DCAF1: variants seen among roughly 807,000 people sequenced by gnomAD.
DCAF1 encodes the protein DDB1- and CUL4-associated factor 1.
Under a neutral mutation model 128.0 loss-of-function variants are expected in DCAF1, and 15 were observed. The observed-to-expected ratio is 0.12, with a 90% CI of 0.08 to 0.18. The LOEUF is 0.18. Among genes scored for constraint, DCAF1 ranks in the 10% least tolerant of loss-of-function variants. The pLI is 1.00. For missense variants in DCAF1, 988 were observed against 1,649.5 expected, an observed-to-expected ratio of 0.60 and a Z score of 6.95; for synonymous variants, 610 against 603.0, an observed-to-expected ratio of 1.01 and a Z score of -0.17.
chr3:51,444,686 GATTA>G (rs1415423468), intron 6 of DCAF1, among the ~76,000 whole-genome samples: 5 of 144,896 alleles, frequency 3.5e-5, no homozygotes, highest in South Asian at 2.2e-4. Flanking sequence ...TTGATTGATT[GATTA>G]ATTGAGACAG....
At chr3:51,407,984 CAAAAAAAAAAA>C (rs59224025) in intron 23 of DCAF1, among the ~76,000 whole-genome samples, 2 of 52,548 alleles carry the variant, frequency 3.8e-5, no homozygotes, top group African/African-American at 8.9e-5. Context: ...GACTCCATCT[CAAAAAAAAAAA>C]AAAAAAAAAA....
intron 3 of DCAF1, among the ~76,000 whole-genome samples, chr3:51,483,209 C>T (rs530786055): frequency 2.7e-5 from 4 of 147,226 alleles, no homozygotes; most frequent in African/African-American, 5.0e-5. Flanking sequence ...GAGGCCAAGG[C>T]GGGTGTATCA....
chr3:51,502,346 A>T (rs1559598455), upstream of DCAF1, among the ~76,000 whole-genome samples: 1 of 152,130 alleles, frequency 6.6e-6, no homozygotes, highest in Non-Finnish European at 1.5e-5. Context: ...CAACCTGGGC[A>T]ACATAGAGAG....
At chr3:51,415,004 G>A in intron 18 of DCAF1, 147 bp from the exon 19 acceptor site, 1 of 1,316,620 alleles carries the variant, frequency 7.6e-7, no homozygotes, top group South Asian at 1.6e-5. Context: ...GCCTCCCAAA[G>A]TGCTGGGATT....
Position 51,420,962 on chromosome 3 carries a change from A to C in DCAF1, c.2008T>G (p.Phe670Val). 1 of 1,613,824 alleles carries C rather than the reference A, an allele frequency of 6.2e-7. No homozygotes were observed. The highest frequency in any genetic ancestry group is 8.5e-7 in the Non-Finnish European group (1 of 1,179,826). The change falls in exon 15 of 25, where the codon TTC becomes GTC. Residue 670 changes from phenylalanine (F) to valine (V), a missense_variant. By Grantham distance (50) the Phe-to-Val change is conservative. Around this residue, in one of 11 missense-constraint regions of DCAF1, gnomAD observed 185 missense variants for 248.1 expected, o/e 0.75. Transcript: ENST00000684031. This position sits in a 1 kb window ranked among gnomAD's most constrained non-coding sequence, Gnocchi z 6.5. ...SIILGVAEGE[F>V]FIHDAEIQKS... ...TGAATTTCAGCATCATGGATGAAGAACTCACCCTCAGCCACTCCCAAAATA... is the reference window on the plus strand; with the variant it reads ...TGAATTTCAGCATCATGGATGAAGACCTCACCCTCAGCCACTCCCAAAATA...
At chr3:51,416,029 T>C (rs1553630283) in intron 18 of DCAF1, among the ~76,000 whole-genome samples, 1 of 152,078 alleles carries the variant, frequency 6.6e-6, no homozygotes, top group African/African-American at 2.4e-5. Flanking sequence ...CCACAGCTCC[T>C]CTCATGTGTC....
At chr3:51,451,367 G>A (rs1202593265) in intron 6 of DCAF1, among the ~76,000 whole-genome samples, 1 of 151,878 alleles carries the variant, frequency 6.6e-6, no homozygotes, top group Non-Finnish European at 1.5e-5. Flanking sequence ...TGTAATGCCA[G>A]CACCTTGGGA....
chr3:51,491,656 G>A (rs1707658606), intron 2 of DCAF1, among the ~76,000 whole-genome samples: 1 of 152,026 alleles, frequency 6.6e-6, no homozygotes, highest in Non-Finnish European at 1.5e-5. Context: ...AGACCAGACT[G>A]GCCAACATTG....
At chr3:51,486,155 G>A (rs1485506980) in intron 2 of DCAF1, among the ~76,000 whole-genome samples, 1 of 149,868 alleles carries the variant, frequency 6.7e-6, no homozygotes, top group Non-Finnish European at 1.5e-5. Context: ...CTCCCAAAGT[G>A]CTGGGATTAC....
intron 6 of DCAF1, among the ~76,000 whole-genome samples, chr3:51,452,746 T>A (rs1377876599): frequency 6.6e-6 from 1 of 152,166 alleles, no homozygotes; most frequent in Admixed American, 6.6e-5. Flanking sequence ...GTGCAGTGGC[T>A]CATGCCTGTA....
At chr3:51,438,819 C>G (rs1156807735) in intron 9 of DCAF1, among the ~76,000 whole-genome samples, 3 of 152,216 alleles carry the variant, frequency 2.0e-5, no homozygotes, top group Non-Finnish European at 1.5e-5. Context: ...CCATGTCAGT[C>G]AGGCTGGTTT....
At chr3:51,451,074 T>C (rs1005406357) in intron 6 of DCAF1, among the ~76,000 whole-genome samples, 8 of 76,976 alleles carry the variant, frequency 1.0e-4, no homozygotes, top group Non-Finnish European at 1.7e-4. Flanking sequence ...AAATTCTTTT[T>C]TTTTTTTTTT....
chr3:51,450,271 A>G (rs868952186), intron 6 of DCAF1, among the ~76,000 whole-genome samples: 1 of 152,240 alleles, frequency 6.6e-6, no homozygotes, highest in Non-Finnish European at 1.5e-5. Flanking sequence ...TTCCTAACTC[A>G]TTTTATGATG....
chr3:51,493,289 T>C (rs868919247), intron 2 of DCAF1, among the ~76,000 whole-genome samples: 4 of 151,624 alleles, frequency 2.6e-5, no homozygotes, highest in East Asian at 3.9e-4. Flanking sequence ...CTACTAAAAA[T>C]ACAAAATTAA....
chr3:51,483,616 TG>T (rs1706538849), intron 3 of DCAF1, 102 bp downstream of exon 3: 1 of 738,376 alleles, frequency 1.4e-6, no homozygotes, highest in African/African-American at 1.8e-5. Context: ...AGTTTGTGTG[TG>T]TGTGTGTGTG....
chr3:51,474,784 C>CTT (rs782363207), intron 3 of DCAF1, among the ~76,000 whole-genome samples: 5,352 of 121,732 alleles, frequency 0.044, 197 homozygotes, highest in East Asian at 0.099. Context: ...GCATGCCTGG[C>CTT]TTTTTTTTTT....
rs1700241924 is a variant in DCAF1 at position 51,430,155 on chromosome 3, T to C, written c.1345A>G (p.Met449Val). ...CATCCTGAAGCATGAGAACACTCCA[T>C]TAACCACAGGGTATAGTTCACCACA... is the stretch of plus-strand genomic sequence containing the variant. The part of the protein sequence containing the change: ...SDVVNYTLWL[M>V]ECSHASGCCH... Residue 449 changes from methionine (M) to valine (V), a missense_variant, in exon 11 of 25, where the codon ATG (methionine) becomes GTG (valine). Around this residue, in one of 11 missense-constraint regions of DCAF1, gnomAD observed 185 missense variants for 248.1 expected, o/e 0.75. Transcript: ENST00000684031. 3.8e-6 allele frequency: 3 copies of C among 780,842 alleles called. No individual in the cohort carries two copies. Among genetic ancestry groups the C allele is most frequent in the Non-Finnish European group, 4.8e-6 (2 of 417,974 alleles). The allele number at this position is 780,842 out of a possible 1,614,324, so 48.4% of individuals were successfully genotyped here.
intron 3 of DCAF1, among the ~76,000 whole-genome samples, chr3:51,475,887 A>G (rs1705381305): frequency 1.3e-5 from 2 of 151,196 alleles, no homozygotes; most frequent in Admixed American, 6.6e-5. Flanking sequence ...TGGCTTTTGG[A>G]GCCAGATTTT....
At chr3:51,432,751 G>T (rs1346121718) in intron 10 of DCAF1, among the ~76,000 whole-genome samples, 1 of 152,044 alleles carries the variant, frequency 6.6e-6, no homozygotes, top group Non-Finnish European at 1.5e-5. Context: ...GAGCCACTGC[G>T]CCCGGCCTGT....
Sources: allele counts gnomAD v4.1 joint callset (sites outside exome capture counted in the v4.1 genomes callset), GRCh38; gene constraint gnomAD v4.1.1; regional missense constraint gnomAD v4.1.1; non-coding constraint Gnocchi (gnomAD v3.1); transcripts MANE v1.5; gene names NCBI Gene and HGNC (gene_info 2026-07-23, HGNC 2026-07-21).